Variants in SUMF1 observed in about 807,000 individuals in gnomAD.
SUMF1 encodes the protein sulfatase modifying factor 1.
A neutral mutation model predicts 47.6 loss-of-function variants in SUMF1; 48 were observed. That is an observed-to-expected ratio of 1.01 (90% CI 0.80 to 1.28). SUMF1 has a LOEUF of 1.28. Ranked by LOEUF, SUMF1 falls within the 50% of genes most tolerant of loss-of-function variation. The probability of loss-of-function intolerance (pLI) is 0.00; values close to 1 mark genes in which losing one functional copy is unlikely to be tolerated. For synonymous variants in SUMF1, 230 were observed against 192.1 expected (o/e 1.20, Z -1.63); for missense variants, 571 against 485.4 (o/e 1.18, Z -1.66).
intron 8 of SUMF1, among the ~76,000 whole-genome samples, chr3:4,141,745 G>C (rs376646631): frequency 1.3e-5 from 2 of 152,114 alleles, no homozygotes; most frequent in East Asian, 1.9e-4. Flanking sequence ...AGACAGTGAA[G>C]TCCTAAAATG....
chr3:4,447,155 A>AT (rs999566312), intron 3 of SUMF1, among the ~76,000 whole-genome samples: 4 of 151,822 alleles, frequency 2.6e-5, no homozygotes, highest in African/African-American at 9.7e-5. Context: ...GTGTTGTGTG[A>AT]TTTTCTGTAT....
At position 4,400,650 on chromosome 3, in the gene SUMF1, G is replaced by A. The variant is rs116517047; in HGVS notation, c.954+10215C>T. Among the ~76,000 whole-genome samples the A allele has an allele frequency of 8.3e-3, 1,265 of 152,282 alleles. 16 individuals are homozygous for A. Among genetic ancestry groups the A allele is most frequent in the African/African-American group, 0.029 (1,210 of 41,542 alleles). On this transcript the variant is annotated intron_variant, in intron 7 of 8. Transcript: ENST00000272902. Reference sequence around the variant, plus strand: ...CTCTCATTTACCAAGTGCTTGCTGTGTGGTGGGCACAGTGAGTTAACCTCT... The same window carrying A: ...CTCTCATTTACCAAGTGCTTGCTGTATGGTGGGCACAGTGAGTTAACCTCT...
chr3:4,324,806 T>C (rs1034842082), intron 8 of SUMF1, among the ~76,000 whole-genome samples: 1 of 152,176 alleles, frequency 6.6e-6, no homozygotes, highest in Non-Finnish European at 1.5e-5. Context: ...GCCTTTGGCA[T>C]AGTGAGTTTG....
At chr3:4,247,732 G>A (rs901875777) in intron 8 of SUMF1, among the ~76,000 whole-genome samples, 6 of 152,146 alleles carry the variant, frequency 3.9e-5, no homozygotes, top group African/African-American at 1.4e-4. Context: ...AAGAATAGCA[G>A]TCCACTAGGC....
chr3:4,248,594 A>C (rs1696722258), intron 8 of SUMF1, among the ~76,000 whole-genome samples: 1 of 152,150 alleles, frequency 6.6e-6, no homozygotes, highest in Non-Finnish European at 1.5e-5. Context: ...CACATACCTG[A>C]GATTTCATTT....
intron 8 of SUMF1, among the ~76,000 whole-genome samples, chr3:4,230,543 T>C (rs538599780): frequency 6.6e-6 from 1 of 152,230 alleles, no homozygotes; most frequent in East Asian, 1.9e-4. Flanking sequence ...GACAGGTGTG[T>C]GGAGCTTCCG....
chr3:4,237,537 T>C (rs1281643237), intron 8 of SUMF1, among the ~76,000 whole-genome samples: 2 of 152,164 alleles, frequency 1.3e-5, no homozygotes, highest in Non-Finnish European at 2.9e-5. Context: ...TAGTCCTTTA[T>C]CATACATGTC....
chr3:4,316,724 G>A, intron 8 of SUMF1: 5 of 1,550,918 alleles, frequency 3.2e-6, no homozygotes, highest in South Asian at 1.2e-5. Flanking sequence ...CAGCTCAGTG[G>A]TTGGATCAAG....
chr3:4,116,281 C>T lies in SUMF1; in HGVS notation c.1015-47536G>A, dbSNP rs116151346. Among the ~76,000 whole-genome samples, 171 of 152,214 alleles carry T rather than the reference C, an allele frequency of 1.1e-3. 5 individuals carry two copies. Among genetic ancestry groups the T allele is most frequent in the African/African-American group, 3.9e-3 (162 of 41,516 alleles). ...CACTTCACTACCCAACATCAAGGGC[C>T]ACATCTCTTTAGTGTGTTCAAGAAA... is the stretch of plus-strand genomic sequence containing the variant. On this transcript the variant is annotated intron_variant and NMD_transcript_variant, in intron 8 of 12. Transcript: ENST00000448413.
intron 8 of SUMF1, among the ~76,000 whole-genome samples, chr3:4,217,626 A>G (rs1203193344): frequency 7.2e-6 from 1 of 139,640 alleles, no homozygotes; most frequent in Non-Finnish European, 1.5e-5. Flanking sequence ...GGAAATGTAC[A>G]AGGTCTAATT....
chr3:4,162,350 C>T (rs549442169), intron 8 of SUMF1, among the ~76,000 whole-genome samples: 2 of 152,318 alleles, frequency 1.3e-5, no homozygotes, highest in Admixed American at 1.3e-4. Context: ...CCCAGATCCA[C>T]TGGCTCTGAG....
At chr3:4,337,119 A>G (rs1272735378) in intron 8 of SUMF1, among the ~76,000 whole-genome samples, 3 of 152,176 alleles carry the variant, frequency 2.0e-5, no homozygotes, top group Non-Finnish European at 4.4e-5. Context: ...TTGTTTACAT[A>G]GCCACTAGGC....
At position 4,322,590 on chromosome 3, in the gene SUMF1, C is replaced by T. The variant is rs1698860316; in HGVS notation, c.1014+53740G>A. Among the ~76,000 whole-genome samples the T allele has an allele frequency of 1.3e-5, 2 of 151,594 alleles. 1 individual carries two copies. The highest frequency in any genetic ancestry group is 1.3e-4 in the Admixed American group (2 of 15,200). ...CAGGAGGATCCCTTGACCCTAGGAG[C>T]TCAAGGCTGCAGTGAGCTATGATCC... is the stretch of plus-strand genomic sequence containing the variant. On this transcript the variant is annotated intron_variant and NMD_transcript_variant, in intron 8 of 12. Transcript: ENST00000448413.
At chr3:4,393,672 A>G (rs1192655889) in intron 7 of SUMF1, among the ~76,000 whole-genome samples, 1 of 151,550 alleles carries the variant, frequency 6.6e-6, no homozygotes, top group Non-Finnish European at 1.5e-5. Flanking sequence ...ATTATTTTTA[A>G]TAATAGAGTG....
chr3:4,192,906 T>A (rs375374521), intron 8 of SUMF1, among the ~76,000 whole-genome samples: 1 of 152,208 alleles, frequency 6.6e-6, no homozygotes, highest in Middle Eastern at 3.4e-3. Context: ...GGGCCCTGCT[T>A]CCAAAAGGAG....
intron 8 of SUMF1, among the ~76,000 whole-genome samples, chr3:4,162,784 C>G (rs931962092): frequency 6.6e-6 from 1 of 152,080 alleles, no homozygotes; most frequent in Admixed American, 6.5e-5. Context: ...TGTGATCACT[C>G]ACCTGATTTT....
intron 8 of SUMF1, among the ~76,000 whole-genome samples, chr3:4,329,964 T>A (rs1398276541): frequency 6.6e-6 from 1 of 152,168 alleles, no homozygotes; most frequent in Non-Finnish European, 1.5e-5. Context: ...CTAAATTATC[T>A]CTCTCAAGTT....
chr3:4,169,966 T>C (rs1318816030), intron 8 of SUMF1, among the ~76,000 whole-genome samples: 2 of 152,116 alleles, frequency 1.3e-5, no homozygotes, highest in Non-Finnish European at 2.9e-5. Flanking sequence ...ATGTAGAACA[T>C]AGATTTTCAA....
rs553806339 is a variant in SUMF1, at chr3:4,079,438, T to C, written c.1015-10693A>G. 9.5e-4 allele frequency among the ~76,000 whole-genome samples: 145 copies of C among 152,080 alleles called. 1 individual carries two copies. Among genetic ancestry groups the C allele is most frequent in the African/African-American group, 3.3e-3 (138 of 41,450 alleles). ...ACTGAAATAAGGTACATGCCTGACA[T>C]GTACCTGAGAGAGCAGCAGAAGCTC... On this transcript the variant is annotated intron_variant and NMD_transcript_variant, in intron 8 of 12. Coordinates refer to the SUMF1 transcript ENST00000448413.
Sources: gnomAD v4.1 joint callset for allele counts (sites outside exome capture counted in the v4.1 genomes callset) on GRCh38, gnomAD v4.1.1 for gene constraint, MANE v1.5 for transcripts, NCBI Gene and HGNC (gene_info 2026-07-23, HGNC 2026-07-21) for gene names.